Variants in CSNK1G2 observed in about 807,000 individuals in gnomAD.
The protein encoded by CSNK1G2 is casein kinase I isoform gamma-2.
Under a neutral mutation model 48.0 loss-of-function variants are expected in CSNK1G2, and 11 were observed. The observed-to-expected ratio is 0.23, with a 90% CI of 0.14 to 0.38. The LOEUF (loss-of-function observed/expected upper bound fraction) is 0.38. Among genes scored for constraint, CSNK1G2 ranks in the 10% least tolerant of loss-of-function variants. CSNK1G2 has a pLI of 1.00. For synonymous variants in CSNK1G2, 337 were observed against 254.1 expected, an observed-to-expected ratio of 1.33 and a Z score of -3.10; for missense variants, 446 against 595.5, an observed-to-expected ratio of 0.75 and a Z score of 2.61.
chr19:1,956,607 G>T (rs1460553664), intron 1 of CSNK1G2, among the ~76,000 whole-genome samples: 1 of 152,240 alleles, frequency 6.6e-6, no homozygotes, highest in Non-Finnish European at 1.5e-5. Flanking sequence ...TTACCCTGCG[G>T]CATTGGCCCT....
intron 1 of CSNK1G2, among the ~76,000 whole-genome samples, chr19:1,955,526 G>C (rs56408401): frequency 0.44 from 66,447 of 151,476 alleles, 17,755 homozygotes; most frequent in Non-Finnish European, 0.6. Flanking sequence ...GTGAGGCTCC[G>C]CGGGGTGGGC....
Position 1,969,551 on chromosome 19 carries a change from T to A in CSNK1G2, c.-222T>A, listed in dbSNP as rs2015493865. 1 of 372,356 alleles carries A rather than the reference T, an allele frequency of 2.7e-6. No homozygotes were observed. Among genetic ancestry groups the A allele is most frequent in the East Asian group, 3.9e-5 (1 of 25,638 alleles). The allele number at this position is 372,356 out of a possible 1,614,324, so 23.1% of individuals were successfully genotyped here. A position where few individuals can be genotyped will look rare whatever the true frequency, so the allele number is the denominator to read the frequency against. On this transcript the variant is annotated 5_prime_UTR_variant, in exon 2 of 12. The change abolishes an upstream ATG in the 5' untranslated region. Coordinates refer to ENST00000255641, the MANE Select transcript of CSNK1G2 (RefSeq NM_001319.7). ...GAGGCGGTGGGATGTGTCAGCAGAA[T>A]GTCTCCTGCCCCCGAGAGCGACCCC...
At chr19:1,975,641 A>G in intron 2 of CSNK1G2, 1 of 985,380 alleles carries the variant, frequency 1.0e-6, no homozygotes, top group African/African-American at 1.7e-5. Flanking sequence ...AGGGCAGCGC[A>G]GGAAGGACAC....
At chr19:1,963,816 T>A (rs1366825221) in intron 1 of CSNK1G2, among the ~76,000 whole-genome samples, 6 of 53,608 alleles carry the variant, frequency 1.1e-4, no homozygotes, top group Admixed American at 4.0e-4. Context: ...CCTCTACAAA[T>A]TTTTTTTTTT....
chr19:1,973,190 G>A (rs912299797), intron 2 of CSNK1G2, among the ~76,000 whole-genome samples: 2 of 150,944 alleles, frequency 1.3e-5, no homozygotes. Context: ...GCCTCCCAAA[G>A]TGCTGGGATT....
chr19:1,949,560 C>T (rs980924267), intron 1 of CSNK1G2, among the ~76,000 whole-genome samples: 5 of 152,340 alleles, frequency 3.3e-5, no homozygotes, highest in Non-Finnish European at 7.4e-5. Flanking sequence ...GCATGGCATC[C>T]GCGTGTGGCT....
intron 1 of CSNK1G2, among the ~76,000 whole-genome samples, chr19:1,942,866 C>T (rs1473060005): frequency 2.0e-5 from 3 of 152,182 alleles, no homozygotes; most frequent in Non-Finnish European, 4.4e-5. Flanking sequence ...GTGTCTCCAC[C>T]AAAACGAAAC....
chr19:1,943,517 T>C (rs182790607), intron 1 of CSNK1G2, among the ~76,000 whole-genome samples: 11 of 152,324 alleles, frequency 7.2e-5, no homozygotes, highest in East Asian at 1.9e-4. Context: ...GTTTTTTTAA[T>C]TGAAAGTTCC....
intron 1 of CSNK1G2, chr19:1,954,323 G>A (rs766638848): frequency 5.3e-5 from 11 of 207,392 alleles, no homozygotes; most frequent in African/African-American, 9.1e-5. Flanking sequence ...GTCCTGGGGC[G>A]CTGCAACCCC....
chr19:1,980,243 C>A lies in CSNK1G2; in HGVS notation c.*40C>A. 6.2e-7 allele frequency: 1 copy of A among 1,610,472 alleles called. No individual in the cohort carries two copies. Among genetic ancestry groups the A allele is most frequent in the Non-Finnish European group, 8.5e-7 (1 of 1,178,126 alleles). ...AGCCCCCTGAATCTTCTCCGTGCAG[C>A]CCCTTGGGGCGCGACCTTGTGCGAG... On this transcript the variant is annotated 3_prime_UTR_variant, in exon 12 of 12. Transcript: ENST00000255641.
chr19:1,958,007 G>A (rs73522924), intron 1 of CSNK1G2, among the ~76,000 whole-genome samples: 24,083 of 152,072 alleles, frequency 0.16, 2,562 homozygotes, highest in African/African-American at 0.3. Flanking sequence ...TGTCTTGTCC[G>A]GAAGCCGGGT....
chr19:1,951,826 G>A (rs8107690), intron 1 of CSNK1G2, among the ~76,000 whole-genome samples: 6,892 of 129,838 alleles, frequency 0.053, 666 homozygotes, highest in African/African-American at 0.11. Flanking sequence ...GACCACAGGC[G>A]CCCGCCACCA....
intron 2 of CSNK1G2, among the ~76,000 whole-genome samples, chr19:1,970,805 A>T (rs1178945143): frequency 2.0e-5 from 3 of 152,178 alleles, no homozygotes; most frequent in African/African-American, 7.2e-5. Context: ...GGTGGGAATC[A>T]GGGTCCCTGG....
At position 1,952,077 on chromosome 19, in the gene CSNK1G2, C is replaced by T. The variant is rs2014783387; in HGVS notation, c.-266+10659C>T. Among the ~76,000 whole-genome samples the T allele has an allele frequency of 1.3e-5, 2 of 152,176 alleles. 1 individual carries two copies. The highest frequency in any genetic ancestry group is 1.3e-4 in the Admixed American group (2 of 15,268). ...CCTCATTTCCACATAAGGCCGTGTT[C>T]CTGTTTACTGGGGGCTAGGACTTGG... On this transcript the variant is annotated intron_variant, in intron 1 of 11. Transcript: ENST00000255641.
intron 1 of CSNK1G2, chr19:1,953,257 C>T (rs1447604808): frequency 5.0e-6 from 2 of 398,582 alleles, no homozygotes; most frequent in Non-Finnish European, 1.0e-5. Context: ...GACCCCTGCC[C>T]CCCTGGCAAG....
intron 2 of CSNK1G2, among the ~76,000 whole-genome samples, chr19:1,977,750 C>CA (rs758107982): frequency 0.38 from 31,017 of 82,412 alleles, 4,702 homozygotes; most frequent in East Asian, 0.6. Flanking sequence ...GACACCGTCT[C>CA]AAAAAAAAAA....
intron 2 of CSNK1G2, among the ~76,000 whole-genome samples, chr19:1,971,462 C>CGT (rs779247212): frequency 3.3e-5 from 5 of 152,232 alleles, no homozygotes; most frequent in African/African-American, 9.6e-5. Context: ...CTCCCAACCC[C>CGT]GTGTGTGTGT....
At chr19:1,953,151 C>T in intron 1 of CSNK1G2, 1 of 370,078 alleles carries the variant, frequency 2.7e-6, no homozygotes. Flanking sequence ...GTCCCACTCG[C>T]CCCCGGGACC....
chr19:1,967,759 C>G (rs112004978), intron 1 of CSNK1G2, among the ~76,000 whole-genome samples: 75 of 64,622 alleles, frequency 1.2e-3, no homozygotes, highest in Admixed American at 2.0e-3. Context: ...AGGCTGCCCC[C>G]GACCACCCTT....
Sources: allele counts gnomAD v4.1 joint callset (sites outside exome capture counted in the v4.1 genomes callset), GRCh38; gene constraint gnomAD v4.1.1; transcripts MANE v1.5; gene names NCBI Gene and HGNC (gene_info 2026-07-23, HGNC 2026-07-21).